The following LRRTM3 variants were observed in gnomAD, a reference collection of about 807,000 sequenced individuals.
LRRTM3 encodes leucine rich repeat transmembrane neuronal 3, also known as leucine-rich repeat transmembrane neuronal protein 3.
LRRTM3 carries 24 observed loss-of-function variants against 44.7 expected under a neutral mutation model. The observed-to-expected ratio is 0.54, with a 90% CI of 0.39 to 0.76. The LOEUF (loss-of-function observed/expected upper bound fraction) is 0.76, where lower values mean the gene tolerates loss of function less well. LRRTM3 is among the 30% of genes least tolerant of loss of function. The pLI, the probability that LRRTM3 is intolerant of heterozygous loss-of-function variation, is 0.00. For synonymous variants in LRRTM3, 277 were observed against 278.7 expected, an observed-to-expected ratio of 0.99 and a Z score of 0.06; for missense variants, 587 against 702.2, an observed-to-expected ratio of 0.84 and a Z score of 1.85.
chr10:67,006,139 T>G (rs1436875730), intron 2 of LRRTM3, among the ~76,000 whole-genome samples: 1 of 152,168 alleles, frequency 6.6e-6, no homozygotes, highest in African/African-American at 2.4e-5. Context: ...TAAGAACTCC[T>G]GTGCCTGTTT....
At chr10:67,067,148 A>G (rs1289958329) in intron 2 of LRRTM3, among the ~76,000 whole-genome samples, 1 of 152,220 alleles carries the variant, frequency 6.6e-6, no homozygotes, top group African/African-American at 2.4e-5. Flanking sequence ...AAAACCACAT[A>G]TGACATAAGC....
At chr10:66,980,538 C>T (rs942778) in intron 2 of LRRTM3, among the ~76,000 whole-genome samples, 108,487 of 137,594 alleles carry the variant, frequency 0.79, 41,513 homozygotes, top group East Asian at 0.99. Flanking sequence ...CAGAATTGAA[C>T]AGGAACCAAA....
chr10:67,001,503 A>G (rs1344761679), intron 2 of LRRTM3, among the ~76,000 whole-genome samples: 1 of 151,764 alleles, frequency 6.6e-6, no homozygotes, highest in Non-Finnish European at 1.5e-5. Flanking sequence ...CAGGTGGAAA[A>G]TTTAGAGGAA....
chr10:66,940,761 C>T (rs1811517672), intron 2 of LRRTM3, among the ~76,000 whole-genome samples: 1 of 152,000 alleles, frequency 6.6e-6, no homozygotes, highest in African/African-American at 2.4e-5. Flanking sequence ...GCTCAGTTCA[C>T]AGTAGCCCAC....
chr10:66,934,595 C>T (rs187715475), intron 2 of LRRTM3, among the ~76,000 whole-genome samples: 2 of 152,112 alleles, frequency 1.3e-5, no homozygotes, highest in Admixed American at 1.3e-4. Context: ...AGTTGAATTA[C>T]AGTCTTACAA....
intron 2 of LRRTM3, among the ~76,000 whole-genome samples, chr10:67,045,627 C>G (rs1407225640): frequency 2.0e-5 from 3 of 152,202 alleles, no homozygotes; most frequent in Non-Finnish European, 4.4e-5. Flanking sequence ...CGGCCAGACC[C>G]CGTTTCCCAG....
intron 2 of LRRTM3, among the ~76,000 whole-genome samples, chr10:67,045,417 T>TG (rs1854666476): frequency 2.0e-5 from 3 of 152,260 alleles, no homozygotes; most frequent in Admixed American, 2.0e-4. Flanking sequence ...TGTTGGTTTT[T>TG]TTGTTGTTGT....
intron 2 of LRRTM3, among the ~76,000 whole-genome samples, chr10:67,037,493 T>C (rs562144048): frequency 6.6e-6 from 1 of 152,244 alleles, no homozygotes; most frequent in African/African-American, 2.4e-5. Flanking sequence ...TAAGGGAAAC[T>C]ATATAAGATG....
intron 2 of LRRTM3, among the ~76,000 whole-genome samples, chr10:66,948,600 T>C (rs893153834): frequency 1.3e-5 from 2 of 152,206 alleles, no homozygotes; most frequent in Admixed American, 6.5e-5. Flanking sequence ...CCATAAGATA[T>C]AGCATGGCTC....
intron 2 of LRRTM3, among the ~76,000 whole-genome samples, chr10:67,033,482 TACTGTATACTGTAC>T (rs1295333667): frequency 6.6e-6 from 1 of 152,232 alleles, no homozygotes; most frequent in Non-Finnish European, 1.5e-5. Context: ...TGAAAACCAT[TACTGTATACTGTAC>T]CAATACACGA....
rs530445934 is a variant in LRRTM3 at position 66,987,430 on chromosome 10, G to C, written c.1536+58978G>C. On this transcript the variant is annotated intron_variant, in intron 2 of 2. Transcript: ENST00000361320. ...GATAGAATGTAGGGCTGAAGAATCA[G>C]AAAGGAGTCAAAAAATGCTGAGGCT... Among the ~76,000 whole-genome samples, 174 of 152,312 alleles carry C rather than the reference G, an allele frequency of 1.1e-3. 2 individuals carry two copies. Among genetic ancestry groups the C allele is most frequent in the Non-Finnish European group, 1.9e-3 (132 of 68,024 alleles).
intron 2 of LRRTM3, among the ~76,000 whole-genome samples, chr10:67,096,682 T>C (rs1334368665): frequency 6.6e-6 from 1 of 151,626 alleles, no homozygotes; most frequent in Non-Finnish European, 1.5e-5. Context: ...CAGGCTCCCC[T>C]TTGTCTGTAA....
intron 2 of LRRTM3, among the ~76,000 whole-genome samples, chr10:66,939,688 T>C (rs578096429): frequency 1.3e-5 from 2 of 152,330 alleles, no homozygotes; most frequent in East Asian, 3.9e-4. Context: ...TGTCAGCCTC[T>C]GGACCACAGT....
At chr10:67,089,746 T>TGC (rs1857520536) in intron 2 of LRRTM3, among the ~76,000 whole-genome samples, 2 of 151,322 alleles carry the variant, frequency 1.3e-5, no homozygotes, top group African/African-American at 4.9e-5. Context: ...TGTGTGTGTG[T>TGC]GTGTGTGGAC....
intron 2 of LRRTM3, among the ~76,000 whole-genome samples, chr10:67,012,092 C>T (rs1317314493): frequency 6.6e-6 from 1 of 152,200 alleles, no homozygotes; most frequent in African/African-American, 2.4e-5. Flanking sequence ...AGATACAAGT[C>T]AAACACAACT....
chr10:66,995,122 G>C (rs1185247523), intron 2 of LRRTM3, among the ~76,000 whole-genome samples: 1 of 152,094 alleles, frequency 6.6e-6, no homozygotes, highest in Non-Finnish European at 1.5e-5. Context: ...AGGTGTCATT[G>C]CTTGAATGTC....
intron 2 of LRRTM3, among the ~76,000 whole-genome samples, chr10:66,982,264 G>A (rs1385110855): frequency 6.6e-6 from 1 of 152,158 alleles, no homozygotes; most frequent in African/African-American, 2.4e-5. Flanking sequence ...ATGTAAAACA[G>A]AGGCCAATTG....
At chr10:67,050,463 A>G (rs897309087) in intron 2 of LRRTM3, among the ~76,000 whole-genome samples, 1 of 152,220 alleles carries the variant, frequency 6.6e-6, no homozygotes, top group Non-Finnish European at 1.5e-5. Flanking sequence ...AAAAGTACCC[A>G]TTCAGCTTAG....
chr10:66,940,014 CT>C (rs1847914359), intron 2 of LRRTM3, among the ~76,000 whole-genome samples: 1 of 151,328 alleles, frequency 6.6e-6, no homozygotes, highest in African/African-American at 2.4e-5. Context: ...TTTTTTAATT[CT>C]TCTTTGTTTT....
Sources: allele counts gnomAD v4.1 joint callset (sites outside exome capture counted in the v4.1 genomes callset), GRCh38; gene constraint gnomAD v4.1.1; transcripts MANE v1.5; gene names NCBI Gene and HGNC (gene_info 2026-07-23, HGNC 2026-07-21).